Variants in RELN observed in about 807,000 individuals in gnomAD.
RELN encodes the protein reelin.
A neutral mutation model predicts 427.6 loss-of-function variants in RELN; 108 were observed. The ratio of observed to expected loss-of-function variants is 0.25; its 90% CI spans 0.22 to 0.30. The LOEUF is 0.30. Ranked by LOEUF, RELN falls within the 10% of genes least tolerant of loss-of-function variation. The pLI is 1.00. For missense variants in RELN, 3,715 were observed against 4,302.8 expected (o/e 0.86, Z 3.82); for synonymous variants, 1,524 against 1,513.4 (o/e 1.01, Z -0.16).
intron 34 of RELN, among the ~76,000 whole-genome samples, chr7:103,562,886 T>A (rs1830672367): frequency 6.6e-6 from 1 of 152,338 alleles, no homozygotes; most frequent in Non-Finnish European, 1.5e-5. Flanking sequence ...TCTGTCCTCT[T>A]TCCTGGCTCC....
At chr7:103,639,422 T>TG (rs1420094208) in intron 17 of RELN, among the ~76,000 whole-genome samples, 81 of 149,182 alleles carry the variant, frequency 5.4e-4, no homozygotes, top group African/African-American at 1.9e-3. Flanking sequence ...TTTTTTGAGA[T>TG]GGAGTCTCAC....
intron 6 of RELN, among the ~76,000 whole-genome samples, chr7:103,735,452 G>A (rs941548689): frequency 1.3e-5 from 2 of 152,138 alleles, no homozygotes; most frequent in African/African-American, 4.8e-5. Context: ...TGTCCCTGTA[G>A]TCTGGGGTCC....
chr7:103,897,519 T>C (rs1794987822), intron 2 of RELN, among the ~76,000 whole-genome samples: 1 of 152,074 alleles, frequency 6.6e-6, no homozygotes, highest in Non-Finnish European at 1.5e-5. Context: ...ATTACTTCAT[T>C]AAACGTTAGT....
At position 103,505,810 on chromosome 7, in the gene RELN, T is replaced by G. The variant is rs192232490; in HGVS notation, c.8275-2580A>C. ...TCCTCCAAGCTAAAGGCGCATGTTCTAACCCAATGCAAGGAAGCTATAAGA... is the reference window on the plus strand; with the variant it reads ...TCCTCCAAGCTAAAGGCGCATGTTCGAACCCAATGCAAGGAAGCTATAAGA... On this transcript the variant is annotated intron_variant, in intron 51 of 64. Transcript: ENST00000428762. Among the ~76,000 whole-genome samples the G allele has an allele frequency of 1.7e-3, 254 of 152,292 alleles. 1 individual carries two copies. The highest frequency in any genetic ancestry group is 5.9e-3 in the African/African-American group (244 of 41,564).
At chr7:103,741,138 C>G (rs1263588594) in intron 6 of RELN, among the ~76,000 whole-genome samples, 1 of 152,098 alleles carries the variant, frequency 6.6e-6, no homozygotes, top group Non-Finnish European at 1.5e-5. Flanking sequence ...AAACATGTAG[C>G]AAGAAAATAG....
Position 103,553,487 on chromosome 7 carries a change from T to C in RELN, c.6046A>G (p.Asn2016Asp), listed in dbSNP as rs1185891030. Residue 2016 changes from asparagine (N) to aspartate (D), a missense_variant, in exon 40 of 65, where the codon AAT (asparagine) becomes GAT (aspartate). By Grantham distance (23) the Asn-to-Asp change is conservative (BLOSUM62 1). Coordinates refer to ENST00000428762, the MANE Select transcript of RELN (RefSeq NM_005045.4). ...HSITTRDLNVNENTIIQFEIN... is the reference protein window; with the variant it reads ...HSITTRDLNVDENTIIQFEIN... ...TCAAATTGTATGATGGTGTTCTCAT[T>C]CACATTTAGGTCACGGGTGGTAATG... is the stretch of plus-strand genomic sequence containing the variant. The C allele has an allele frequency of 6.2e-7, 1 of 1,613,672 alleles. No homozygotes were observed. The highest frequency in any genetic ancestry group is 8.5e-7 in the Non-Finnish European group (1 of 1,179,586).
At chr7:103,753,521 TAATG>T (rs1375793447) in intron 4 of RELN, among the ~76,000 whole-genome samples, 2 of 152,176 alleles carry the variant, frequency 1.3e-5, no homozygotes, top group Non-Finnish European at 2.9e-5. Context: ...AATTATCCAA[TAATG>T]AATAACAAAA....
chr7:103,881,503 C>T (rs1794606285), intron 2 of RELN, among the ~76,000 whole-genome samples: 1 of 152,104 alleles, frequency 6.6e-6, no homozygotes, highest in South Asian at 2.1e-4. Flanking sequence ...CCCCTTCTTG[C>T]TGCCCCTTTA....
chr7:103,490,278 C>T (rs1233906717), intron 59 of RELN, among the ~76,000 whole-genome samples: 1 of 152,182 alleles, frequency 6.6e-6, no homozygotes, highest in Admixed American at 6.5e-5. Flanking sequence ...GTCAGCCCTG[C>T]ACACCCAGCT....
intron 46 of RELN, among the ~76,000 whole-genome samples, chr7:103,529,181 T>G (rs1160487434): frequency 6.6e-6 from 1 of 152,044 alleles, no homozygotes; most frequent in African/African-American, 2.4e-5. Context: ...GAAAGTGTTA[T>G]AGCCTCCCAT....
intron 10 of RELN, 77 bp downstream of exon 10, chr7:103,697,776 A>G (rs965321571): frequency 1.6e-5 from 25 of 1,602,172 alleles, no homozygotes; most frequent in Non-Finnish European, 2.0e-5. Context: ...ATCTTTATAC[A>G]ATTTGGTTTA....
chr7:103,491,877 CACACACACACACACACACA>C, intron 58 of RELN, 57 bp downstream of exon 58: 1 of 797,642 alleles, frequency 1.3e-6, no homozygotes, highest in Non-Finnish European at 2.1e-6. Context: ...CACACACACA[CACACACACACACACACACA>C]ACGATTTGGA....
chr7:103,609,082 G>A (rs1045859104), intron 22 of RELN, among the ~76,000 whole-genome samples: 2 of 151,984 alleles, frequency 1.3e-5, no homozygotes, highest in Non-Finnish European at 2.9e-5. Flanking sequence ...AATTAGCTGG[G>A]TGTAATGGGG....
At position 103,716,382 on chromosome 7, in the gene RELN, G is replaced by A. The variant is rs184203813; in HGVS notation, c.805+6758C>T. Among the ~76,000 whole-genome samples the A allele has an allele frequency of 1.5e-3, 228 of 152,252 alleles. 1 individual carries two copies. Among genetic ancestry groups the A allele is most frequent in the African/African-American group, 5.1e-3 (211 of 41,550 alleles). On this transcript the variant is annotated intron_variant, in intron 8 of 64. Transcript: ENST00000428762. ...TGAACTTCTCAAAGATTGGGGCAGC[G>A]TCTTAGGCTTTGCTTTCTCTACAGG...
chr7:103,836,704 A>T (rs953746121), intron 2 of RELN, among the ~76,000 whole-genome samples: 1 of 152,132 alleles, frequency 6.6e-6, no homozygotes, highest in African/African-American at 2.4e-5. Flanking sequence ...CAGATCCTAC[A>T]TGAAGATTTG....
intron 21 of RELN, among the ~76,000 whole-genome samples, chr7:103,611,055 G>C (rs748480017): frequency 6.6e-6 from 1 of 152,082 alleles, no homozygotes; most frequent in South Asian, 2.1e-4. Flanking sequence ...CCCAATACTC[G>C]CACATACAAA....
intron 2 of RELN, among the ~76,000 whole-genome samples, chr7:103,892,623 A>C (rs1794875132): frequency 6.6e-6 from 1 of 152,194 alleles, no homozygotes; most frequent in African/African-American, 2.4e-5. Context: ...TTTTATATAG[A>C]GCTAACACAT....
intron 28 of RELN, among the ~76,000 whole-genome samples, chr7:103,578,789 C>A (rs552870061): frequency 6.6e-6 from 1 of 152,274 alleles, no homozygotes; most frequent in South Asian, 2.1e-4. Context: ...CAATTCTATA[C>A]TTTTAGAGTA....
intron 11 of RELN, among the ~76,000 whole-genome samples, chr7:103,677,845 T>G (rs1190558504): frequency 1.4e-5 from 2 of 147,754 alleles, no homozygotes; most frequent in East Asian, 4.1e-4. Flanking sequence ...AGCCCCACCC[T>G]GATTCCTTCG....
Sources: allele counts gnomAD v4.1 joint callset (sites outside exome capture counted in the v4.1 genomes callset), GRCh38; gene constraint gnomAD v4.1.1; transcripts MANE v1.5; gene names NCBI Gene and HGNC (gene_info 2026-07-23, HGNC 2026-07-21).